GEMIN5: variants seen among roughly 807,000 people sequenced by gnomAD.
GEMIN5 encodes the protein gem nuclear organelle associated protein 5, also known as gem-associated protein 5.
GEMIN5 carries 124 observed loss-of-function variants against 176.9 expected under a neutral mutation model. The ratio of observed to expected loss-of-function variants is 0.70; its 90% CI spans 0.61 to 0.81. The LOEUF (loss-of-function observed/expected upper bound fraction) is 0.81. GEMIN5 is among the 40% of genes least tolerant of loss of function. The probability of loss-of-function intolerance (pLI) is 0.00; values close to 1 mark genes in which losing one functional copy is unlikely to be tolerated. For synonymous variants in GEMIN5, 673 were observed against 665.2 expected, an observed-to-expected ratio of 1.01 and a Z score of -0.18; for missense variants, 1,843 against 1,814.6, an observed-to-expected ratio of 1.02 and a Z score of -0.28.
intron 18 of GEMIN5, 47 bp from the exon 19 acceptor site, chr5:154,903,222 A>C (rs1276834908): frequency 8.2e-7 from 1 of 1,225,966 alleles, no homozygotes; most frequent in Non-Finnish European, 1.2e-6. Context: ...CATTACATTG[A>C]TTACAGTTTT....
At chr5:154,890,815 G>A (rs751098888) in intron 26 of GEMIN5, among the ~76,000 whole-genome samples, 9 of 152,068 alleles carry the variant, frequency 5.9e-5, no homozygotes, top group Non-Finnish European at 1.2e-4. Flanking sequence ...CCAGGCTGGA[G>A]TGCACTGGTG....
At chr5:154,921,006 ATAAAAT>A (rs146429547) in intron 10 of GEMIN5, among the ~76,000 whole-genome samples, 1,749 of 152,308 alleles carry the variant, frequency 0.011, 30 homozygotes, top group African/African-American at 0.04. Context: ...TCTAATTCTG[ATAAAAT>A]TAAAAAGAGA....
At chr5:154,910,541 T>A (rs1763680024) in intron 15 of GEMIN5, among the ~76,000 whole-genome samples, 1 of 152,180 alleles carries the variant, frequency 6.6e-6, no homozygotes, top group Non-Finnish European at 1.5e-5. Flanking sequence ...TGGCCTCAAG[T>A]GATCCTCTAG....
chr5:154,917,611 CT>C (rs933183044), intron 12 of GEMIN5, among the ~76,000 whole-genome samples: 40 of 152,050 alleles, frequency 2.6e-4, no homozygotes, highest in African/African-American at 9.6e-4. Flanking sequence ...GGATACAGAC[CT>C]AAAAAGCATT....
In GEMIN5 at chr5:154,899,302, A is replaced by C. The variant is rs1166287645; in HGVS notation, c.3023T>G (p.Ile1008Ser). 2.5e-6 allele frequency: 4 copies of C among 1,611,056 alleles called. No individual in the cohort carries two copies. Among genetic ancestry groups the C allele is most frequent in the Non-Finnish European group, 3.4e-6 (4 of 1,178,516 alleles). Residue 1008 changes from isoleucine to serine, a missense_variant, in exon 22 of 28, where the codon ATT (isoleucine) becomes AGT (serine). Ile to Ser is a moderately radical substitution (Grantham distance 142). Coordinates refer to ENST00000285873, the MANE Select transcript of GEMIN5 (RefSeq NM_015465.5). ...LKSNHFYREA[I>S]AIAKARLRPE... Reference sequence around the variant, plus strand: ...GCGCAGCCGGGCCTTGGCAATCGCAATAGCTTCCCTAAAGGCAAGAACAGA... The same window carrying C: ...GCGCAGCCGGGCCTTGGCAATCGCACTAGCTTCCCTAAAGGCAAGAACAGA...
At chr5:154,903,702 G>A (rs1763512273) in intron 18 of GEMIN5, among the ~76,000 whole-genome samples, 2 of 152,212 alleles carry the variant, frequency 1.3e-5, no homozygotes, top group Middle Eastern at 3.4e-3. Flanking sequence ...ACAAATGGAA[G>A]CCCAGGATAG....
chr5:154,914,259 G>A (rs1031143515), intron 13 of GEMIN5, among the ~76,000 whole-genome samples: 3 of 152,104 alleles, frequency 2.0e-5, no homozygotes, highest in East Asian at 1.9e-4. Flanking sequence ...GACCTCAGGC[G>A]ATCCGCCCAC....
intron 2 of GEMIN5, among the ~76,000 whole-genome samples, 161 bp from the exon 3 acceptor site, chr5:154,936,183 G>A (rs1280018827): frequency 2.0e-5 from 3 of 152,156 alleles, no homozygotes; most frequent in Admixed American, 6.5e-5. Flanking sequence ...TTGGGAGGCC[G>A]AGGCGGGTGG....
intron 9 of GEMIN5, among the ~76,000 whole-genome samples, chr5:154,922,822 G>C (rs542322342): frequency 6.8e-6 from 1 of 147,820 alleles, no homozygotes; most frequent in African/African-American, 2.5e-5. Context: ...TCAGCCTCCC[G>C]AGTAGCTGAG....
chr5:154,928,757 CT>C, intron 5 of GEMIN5, 98 bp from the exon 6 acceptor site: 1 of 1,023,514 alleles, frequency 9.8e-7, no homozygotes, highest in African/African-American at 1.6e-5. Flanking sequence ...GCTGTAAAAG[CT>C]TGTTAGTTTG....
intron 18 of GEMIN5, 142 bp from the exon 19 acceptor site, chr5:154,903,317 T>C: frequency 1.6e-6 from 1 of 610,994 alleles, no homozygotes; most frequent in East Asian, 2.8e-5. Flanking sequence ...CTCCTGCAGT[T>C]ACAAAGGGAG....
chr5:154,935,334 T>C (rs1452254896), intron 3 of GEMIN5, among the ~76,000 whole-genome samples: 1 of 152,196 alleles, frequency 6.6e-6, no homozygotes, highest in Non-Finnish European at 1.5e-5. Context: ...AGTCTTCAAA[T>C]TAGAGAAAAT....
At position 154,903,138 on chromosome 5, in the gene GEMIN5, T is replaced by A. The variant is rs1382163447; in HGVS notation, c.2670A>T (p.Arg890Ser). 6.2e-7 allele frequency: 1 copy of A among 1,613,114 alleles called. No homozygotes were observed. Among genetic ancestry groups the A allele is most frequent in the Non-Finnish European group, 8.5e-7 (1 of 1,179,346 alleles). The change falls in exon 19 of 28, where the codon AGA (arginine) becomes AGT (serine). Residue 890 changes from arginine to serine, a missense_variant. Transcript: ENST00000285873. Reference protein sequence around the residue: ...NEDVSADVEERFHLGLFTDRA... With the variant: ...NEDVSADVEESFHLGLFTDRA... Reference sequence around the variant, plus strand: ...TGTCTGTGAAAAGCCCCAGATGAAATCTTTCCTCAACATCAGCAGACACAT... The same window carrying A: ...TGTCTGTGAAAAGCCCCAGATGAAAACTTTCCTCAACATCAGCAGACACAT...
chr5:154,897,262 T>C (rs951945003), intron 23 of GEMIN5, among the ~76,000 whole-genome samples: 2 of 152,146 alleles, frequency 1.3e-5, no homozygotes, highest in African/African-American at 4.8e-5. Context: ...CTAAAAACCA[T>C]CTGTAGGCCC....
chr5:154,905,473 G>A lies in GEMIN5; in HGVS notation c.2399C>T (p.Ser800Phe). Residue 800 changes from serine to phenylalanine, a missense_variant, in exon 17 of 28, where the codon TCT becomes TTT. Ser to Phe is a radical substitution (Grantham distance 155). Transcript: ENST00000285873. ...ELPCGLAPAVSREPVICTPVS... is the reference protein window; with the variant it reads ...ELPCGLAPAVFREPVICTPVS... ...TGGAGTGCAGATAACTGGTTCTCTA[G>A]AAACTACATCATGGGGGAAAAAGGA... 1 of 1,481,516 alleles carries A rather than the reference G, an allele frequency of 6.7e-7. No individual in the cohort carries two copies. The highest frequency in any genetic ancestry group is 9.3e-7 in the Non-Finnish European group (1 of 1,073,648). The allele number at this position is 1,481,516 out of a possible 1,614,324, so 91.8% of individuals were successfully genotyped here.
chr5:154,915,586 G>A (rs1363076493), intron 13 of GEMIN5, among the ~76,000 whole-genome samples: 1 of 152,196 alleles, frequency 6.6e-6, no homozygotes, highest in Non-Finnish European at 1.5e-5. Flanking sequence ...ACACTCTAAG[G>A]TTGAATCTAG....
At position 154,921,353 on chromosome 5, in the gene GEMIN5, G is replaced by A. The variant is rs112300664; in HGVS notation, c.1452C>T (p.Pro484=). 4 of 1,326,004 alleles carry A rather than the reference G, an allele frequency of 3.0e-6. No individual in the cohort carries two copies. The South Asian group carries it at 4.8e-5, about 16-fold the overall frequency. 82.1% of individuals were successfully genotyped at this position (1,326,004 alleles called of 1,614,324 possible). A position where few individuals can be genotyped will look rare whatever the true frequency, so the allele number is the denominator to read the frequency against. The change falls in exon 10 of 28, where the codon CCC becomes CCT. Residue 484 remains proline (P), a synonymous_variant. Transcript: ENST00000285873. ...TGTTCAGATACTTACCAAGTGACAT[G>A]GGGGGTACTGGTGGCCCCCAGGCTA... is the stretch of plus-strand genomic sequence containing the variant. ...YTLAWGPPVP[P]MSLGGEGDRP...
intron 7 of GEMIN5, 152 bp from the exon 8 acceptor site, chr5:154,926,226 AAAATAGTAAT>A: frequency 1.7e-6 from 1 of 598,476 alleles, no homozygotes; most frequent in South Asian, 2.2e-5. Flanking sequence ...TAAGAAAAAA[AAAATAGTAAT>A]AAATTATGTT....
chr5:154,896,402 G>T (rs816747), intron 23 of GEMIN5, 59 bp from the exon 24 acceptor site: 1 of 1,486,386 alleles, frequency 6.7e-7, no homozygotes, highest in Non-Finnish European at 9.0e-7. Context: ...GGATGATCTC[G>T]AGAGCTCTCC....
Sources: gnomAD v4.1 joint callset for allele counts (sites outside exome capture counted in the v4.1 genomes callset) on GRCh38, gnomAD v4.1.1 for gene constraint, MANE v1.5 for transcripts, NCBI Gene and HGNC (gene_info 2026-07-23, HGNC 2026-07-21) for gene names.